Variants in ZC3H4 observed in about 807,000 individuals in gnomAD.
ZC3H4 encodes the protein zinc finger CCCH domain-containing protein 4.
ZC3H4 carries 13 observed loss-of-function variants against 108.3 expected under a neutral mutation model. The observed-to-expected ratio is 0.12, with a 90% confidence interval of 0.08 to 0.19. The LOEUF is 0.19. ZC3H4 is among the 10% of genes least tolerant of loss of function. The pLI is 1.00. For synonymous variants in ZC3H4, 917 were observed against 749.6 expected (o/e 1.22, Z -3.65); for missense variants, 1,734 against 1,838.8 (o/e 0.94, Z 1.04).
rs1600125337 is a variant in ZC3H4, at chr19:47,112,411, C to G, written c.161+13G>C. The G allele has an allele frequency of 8.1e-7, 1 of 1,234,192 alleles. No homozygotes were observed. Among genetic ancestry groups the G allele is most frequent in the East Asian group, 3.2e-5 (1 of 31,640 alleles). The allele number at this position is 1,234,192 out of a possible 1,614,324, so 76.5% of individuals were successfully genotyped here. On this transcript the variant is annotated intron_variant, in intron 2 of 14. Coordinates refer to ENST00000253048, the MANE Select transcript of ZC3H4 (RefSeq NM_015168.2). The stretch of plus-strand genomic sequence containing the variant: ...CCCCGGGGACGCAGCCCCGGCCCAA[C>G]CGGGGGCCTGACCTGTCGTCAGGGA...
In ZC3H4 at chr19:47,069,348, G is replaced by A; in HGVS notation, c.2147-5C>T. The A allele has an allele frequency of 4.3e-6, 7 of 1,611,510 alleles. No homozygotes were observed. The highest frequency in any genetic ancestry group is 5.9e-6 in the Non-Finnish European group (7 of 1,179,022). On this transcript the variant is annotated splice_region_variant and splice_polypyrimidine_tract_variant and intron_variant, in intron 13 of 14. Coordinates refer to ENST00000253048, the MANE Select transcript of ZC3H4 (RefSeq NM_015168.2). ...CTTCGTAGTGCCCGTAGTCCTCTGT[G>A]GCAGGGAAGAACCGAGGGTTCATGT...
In ZC3H4 at chr19:47,072,075, TGGGCCCAGGGCCCATTGGCCCTGG is replaced by T. The variant is rs2057339876; in HGVS notation, c.1825_1848del (p.Pro609_Pro616del). 3 of 1,577,072 alleles carry T rather than the reference TGGGCCCAGGGCCCATTGGCCCTGG, an allele frequency of 1.9e-6. No homozygotes were observed. Among genetic ancestry groups the T allele is most frequent in the Admixed American group, 1.9e-5 (1 of 53,402 alleles). ...CCCATTGGCCCTGGGGGTCCCATGT[TGGGCCCAGGGCCCATTGGCCCTGG>T]GGGTCCACCGGGTCCAGGGAACCTA... On this transcript the variant is annotated inframe_deletion, in exon 13 of 15. Transcript: ENST00000253048. The surrounding 1 kb of genome is among the most constrained non-coding windows in gnomAD (Gnocchi z 5.6).
chr19:47,088,159 C>T (rs1370203515), intron 5 of ZC3H4, among the ~76,000 whole-genome samples: 1 of 151,666 alleles, frequency 6.6e-6, no homozygotes, highest in African/African-American at 2.4e-5. Flanking sequence ...GGCAACAGAG[C>T]GAGACTCCAT....
In ZC3H4 at chr19:47,072,182, A is replaced by G; in HGVS notation, c.1803-61T>C. 6.9e-7 allele frequency: 1 copy of G among 1,452,696 alleles called. No homozygotes were observed. The highest frequency in any genetic ancestry group is 1.4e-5 in the South Asian group (1 of 71,052). 90.0% of individuals were successfully genotyped at this position (1,452,696 alleles called of 1,614,324 possible). ...CCGAGGAGGGCAGTGGCCACACCCCAGAGGAGAGGCGGAGGGCTGCAGAGC... is the reference window on the plus strand; with the variant it reads ...CCGAGGAGGGCAGTGGCCACACCCCGGAGGAGAGGCGGAGGGCTGCAGAGC... On this transcript the variant is annotated intron_variant, in intron 12 of 14. Transcript: ENST00000253048. The surrounding 1 kb of genome is among the most constrained non-coding windows in gnomAD (Gnocchi z 5.6).
chr19:47,081,704 C>T (rs1380750461), intron 10 of ZC3H4, 82 bp from the exon 11 acceptor site: 5 of 1,231,898 alleles, frequency 4.1e-6, no homozygotes, highest in Middle Eastern at 3.8e-4. Context: ...AATCCAGCTC[C>T]CTTTGTTTTG....
intron 11 of ZC3H4, among the ~76,000 whole-genome samples, chr19:47,080,367 T>C (rs907201914): frequency 4.6e-5 from 7 of 152,310 alleles, no homozygotes; most frequent in Non-Finnish European, 8.8e-5. Flanking sequence ...CAAGGGAGCC[T>C]TCCCCTTTAG....
At chr19:47,093,914 C>G (rs767989182) in intron 4 of ZC3H4, 56 bp downstream of exon 4, 42 of 1,487,116 alleles carry the variant, frequency 2.8e-5, no homozygotes, top group Non-Finnish European at 3.7e-5. Flanking sequence ...TCAAGAAACA[C>G]AAGCAGTTGA....
At chr19:47,086,102 C>T (rs760566339) in intron 6 of ZC3H4, among the ~76,000 whole-genome samples, 2 of 152,152 alleles carry the variant, frequency 1.3e-5, no homozygotes, top group African/African-American at 2.4e-5. Context: ...CTCCTGACCT[C>T]GTGATCCACC....
In ZC3H4 at chr19:47,064,709, TTAA is replaced by T. The variant is rs1176133975; in HGVS notation, c.*1644_*1646del. 1 of 137,668 alleles carries T rather than the reference TTAA, an allele frequency of 7.3e-6. No homozygotes were observed. Among genetic ancestry groups the T allele is most frequent in the Non-Finnish European group, 1.6e-5 (1 of 64,462 alleles). 8.5% of individuals were successfully genotyped at this position (137,668 alleles called of 1,614,324 possible). Reference sequence around the variant, plus strand: ...CACTGGTGGCTGAAGACAAATCTCATTAATGATTGTGTAAAAAAAAAAAAAAAA... The same window carrying T: ...CACTGGTGGCTGAAGACAAATCTCATTGATTGTGTAAAAAAAAAAAAAAAA... On this transcript the variant is annotated 3_prime_UTR_variant, in exon 15 of 15. Transcript: ENST00000253048.
Position 47,072,374 on chromosome 19 carries a change from G to A in ZC3H4, c.1780C>T (p.Leu594=). The A allele has an allele frequency of 6.2e-7, 1 of 1,613,310 alleles. No individual in the cohort carries two copies. The highest frequency in any genetic ancestry group is 1.1e-5 in the South Asian group (1 of 90,932). Reference sequence around the variant, plus strand: ...CACCTCACACCCAGCTTCTCAGCCAGCTGTCCCGTGGGCCGCACCACGATC... The same window carrying A: ...CACCTCACACCCAGCTTCTCAGCCAACTGTCCCGTGGGCCGCACCACGATC... ...FEIVVRPTGQ[L]AEKLGVRFPG... is the part of the protein sequence containing the mutation. Residue 594 remains leucine, a synonymous_variant, in exon 12 of 15, where the codon CTG becomes TTG. Coordinates refer to ENST00000253048, the MANE Select transcript of ZC3H4 (RefSeq NM_015168.2). The surrounding 1 kb of genome is among the most constrained non-coding windows in gnomAD (Gnocchi z 5.6).
At chr19:47,112,739 GCACGGCCTAGGCCTCGGAGGGCCGCT>G in intron 1 of ZC3H4, 150 bp from the exon 2 acceptor site, 1 of 436,374 alleles carries the variant, frequency 2.3e-6, no homozygotes, top group Non-Finnish European at 3.8e-6. Flanking sequence ...CGCGTAGGCC[GCACGGCCTAGGCCTCGGAGGGCCGCT>G]CGCCGCCTGC....
At chr19:47,090,885 G>A (rs2057719585) in intron 4 of ZC3H4, among the ~76,000 whole-genome samples, 1 of 152,162 alleles carries the variant, frequency 6.6e-6, no homozygotes, top group African/African-American at 2.4e-5. Context: ...ATGGGAAACT[G>A]GAGGCAGGGA....
chr19:47,080,765 T>C (rs2057507090), intron 11 of ZC3H4, among the ~76,000 whole-genome samples: 1 of 151,962 alleles, frequency 6.6e-6, no homozygotes, highest in African/African-American at 2.4e-5. Flanking sequence ...CCTAAGTAGC[T>C]GGGACTACAC....
At chr19:47,073,753 G>A (rs1336967796) in intron 11 of ZC3H4, among the ~76,000 whole-genome samples, 5 of 152,158 alleles carry the variant, frequency 3.3e-5, no homozygotes, top group East Asian at 1.9e-4. Flanking sequence ...TCTGCTTTCC[G>A]TCTCTGCGGA....
chr19:47,068,805 C>A (rs1187825538), intron 14 of ZC3H4, among the ~76,000 whole-genome samples: 1 of 152,220 alleles, frequency 6.6e-6, no homozygotes, highest in Non-Finnish European at 1.5e-5. Flanking sequence ...TCTGGCAGGG[C>A]ACAGGCGGTC....
chr19:47,071,772 G>A lies in ZC3H4; in HGVS notation c.2146+6C>T, dbSNP rs773850094. 2.8e-5 allele frequency: 44 copies of A among 1,598,520 alleles called. No homozygotes were observed. Among genetic ancestry groups the A allele is most frequent in the Non-Finnish European group, 3.3e-5 (39 of 1,173,602 alleles). On this transcript the variant is annotated splice_donor_region_variant and intron_variant, in intron 13 of 14. Coordinates refer to ENST00000253048, the MANE Select transcript of ZC3H4 (RefSeq NM_015168.2). ...CCCAGGCAGCCACACCTGGAGTCCC[G>A]CATACCTGCATCCCCCAGGAGTCCG...
In ZC3H4 at chr19:47,067,097, G is replaced by C. The variant is rs200138538; in HGVS notation, c.3171C>G (p.Gly1057=). 1.9e-6 allele frequency: 3 copies of C among 1,611,492 alleles called. No individual in the cohort carries two copies. Among genetic ancestry groups the C allele is most frequent in the East Asian group, 2.2e-5 (1 of 44,832 alleles). ...SRILKTVNAT[G]SSAAPGSSDK... Reference sequence around the variant, plus strand: ...CGCTGGAACCGGGGGCGGCCGAGGAGCCGGTGGCATTGACTGTCTTGAGGA... The same window carrying C: ...CGCTGGAACCGGGGGCGGCCGAGGACCCGGTGGCATTGACTGTCTTGAGGA... Residue 1057 remains glycine (G), a synonymous_variant, in exon 15 of 15, where the codon GGC becomes GGG. Transcript: ENST00000253048. This position sits in a 1 kb window ranked among gnomAD's most constrained non-coding sequence, Gnocchi z 6.4.
At chr19:47,089,709 C>CT (rs918927883) in intron 5 of ZC3H4, among the ~76,000 whole-genome samples, 2 of 152,052 alleles carry the variant, frequency 1.3e-5, no homozygotes, top group Non-Finnish European at 2.9e-5. Context: ...CCCTTCTCCC[C>CT]CCACAGCTGA....
intron 8 of ZC3H4, among the ~76,000 whole-genome samples, chr19:47,084,803 C>T (rs1271420549): frequency 6.6e-6 from 1 of 152,214 alleles, no homozygotes; most frequent in Admixed American, 6.5e-5. Flanking sequence ...CTAGAACCTT[C>T]TGAACCTCAG....
Sources: gnomAD v4.1 joint callset for allele counts (sites outside exome capture counted in the v4.1 genomes callset) on GRCh38, gnomAD v4.1.1 for gene constraint, Gnocchi (gnomAD v3.1) non-coding constraint, MANE v1.5 for transcripts, NCBI Gene and HGNC (gene_info 2026-07-23, HGNC 2026-07-21) for gene names.